The following SAMD8 variants were observed in gnomAD, a reference collection of about 807,000 sequenced individuals.
The protein encoded by SAMD8 is sphingomyelin synthase-related protein 1.
In SAMD8, 20 loss-of-function variants were observed where a neutral mutation model predicts 42.0. That is an observed-to-expected ratio of 0.48 (90% confidence interval 0.34 to 0.69). The LOEUF is 0.69. Ranked by LOEUF, SAMD8 falls within the 30% of genes least tolerant of loss-of-function variation. The probability of loss-of-function intolerance (pLI) is 0.01; values close to 1 mark genes in which losing one functional copy is unlikely to be tolerated. For missense variants in SAMD8, 328 were observed against 511.6 expected, an observed-to-expected ratio of 0.64 and a Z score of 3.46; for synonymous variants, 162 against 173.0, an observed-to-expected ratio of 0.94 and a Z score of 0.50.
chr10:75,122,528 A>G (rs1048395627), intron 1 of SAMD8, among the ~76,000 whole-genome samples: 2 of 151,564 alleles, frequency 1.3e-5, no homozygotes, highest in African/African-American at 4.9e-5. Context: ...CATGAGAATC[A>G]CTTGAACCCT....
intron 2 of SAMD8, among the ~76,000 whole-genome samples, chr10:75,157,064 T>C (rs1008823504): frequency 1.5e-4 from 23 of 152,076 alleles, no homozygotes; most frequent in Admixed American, 7.2e-4. Flanking sequence ...AGAGTATGTG[T>C]GTATATGTGT....
At chr10:75,164,551 T>G in intron 2 of SAMD8, 94 bp from the exon 3 acceptor site, 17 of 1,518,414 alleles carry the variant, frequency 1.1e-5, no homozygotes, top group Non-Finnish European at 1.5e-5. Context: ...TAAAACCAAT[T>G]TTAAGGTCAT....
At chr10:75,158,584 T>C (rs949579926) in intron 2 of SAMD8, among the ~76,000 whole-genome samples, 1 of 151,710 alleles carries the variant, frequency 6.6e-6, no homozygotes, top group African/African-American at 2.4e-5. Flanking sequence ...AGAGCGAGAC[T>C]CTCTCAAAAA....
intron 1 of SAMD8, among the ~76,000 whole-genome samples, chr10:75,123,150 TCCCACCCCACCTCAC>T (rs1849043239): frequency 1.4e-5 from 2 of 144,252 alleles, no homozygotes; most frequent in Non-Finnish European, 3.0e-5. Flanking sequence ...CATGCTTGCT[TCCCACCCCACCTCAC>T]CCCACCCCAC....
At chr10:75,105,944 C>T (rs1848475459) in intron 1 of SAMD8, 1 of 1,372,316 alleles carries the variant, frequency 7.3e-7, no homozygotes, top group East Asian at 2.5e-5. Flanking sequence ...GACCCAAGTT[C>T]CTTTCCTGAC....
chr10:75,100,905 G>A (rs1213127138), intron 1 of SAMD8, among the ~76,000 whole-genome samples: 1 of 152,268 alleles, frequency 6.6e-6, no homozygotes, highest in Non-Finnish European at 1.5e-5. Context: ...ATCGGGCAGA[G>A]GCACAGGCTT....
intron 2 of SAMD8, among the ~76,000 whole-genome samples, chr10:75,164,265 T>C (rs1229523581): frequency 6.6e-6 from 1 of 152,160 alleles, no homozygotes; most frequent in Non-Finnish European, 1.5e-5. Context: ...CAAACCCTGA[T>C]TGTTTGCACT....
Position 75,176,094 on chromosome 10 carries a change from A to T in SAMD8, c.821A>T (p.His274Leu). 6.2e-7 allele frequency: 1 copy of T among 1,614,230 alleles called. No individual in the cohort carries two copies. ...KIYGSVWEKLHRAFAIWSGFG... is the reference protein window; with the variant it reads ...KIYGSVWEKLLRAFAIWSGFG... Reference sequence around the variant, plus strand: ...TATGGCAGTGTATGGGAGAAATTACATCGAGCCTTTGCCATTTGGAGTGGC... The same window carrying T: ...TATGGCAGTGTATGGGAGAAATTACTTCGAGCCTTTGCCATTTGGAGTGGC... The change falls in exon 5 of 6, where the codon CAT (histidine) becomes CTT (leucine). Residue 274 changes from histidine (H) to leucine (L), a missense_variant. Around this residue, in one of 2 missense-constraint regions of SAMD8, gnomAD observed 178 missense variants for 325.6 expected, o/e 0.55. Coordinates refer to ENST00000542569, the MANE Select transcript of SAMD8 (RefSeq NM_001174156.2). The surrounding 1 kb of genome is among the most constrained non-coding windows in gnomAD (Gnocchi z 4.3).
chr10:75,137,338 G>A (rs1405044303), intron 1 of SAMD8, among the ~76,000 whole-genome samples: 1 of 152,088 alleles, frequency 6.6e-6, no homozygotes, highest in African/African-American at 2.4e-5. Context: ...TCAGGAGTTC[G>A]AGACCAGCCT....
chr10:75,108,160 CG>C (rs1168518690), upstream of SAMD8: 1 of 1,612,488 alleles, frequency 6.2e-7, no homozygotes. Flanking sequence ...GCGTTCAGCA[CG>C]TGGGTGATGC....
rs1403278439 is a variant in SAMD8 at position 75,180,914 on chromosome 10, T to C, written c.*4222T>C. 1 of 152,226 alleles carries C rather than the reference T, an allele frequency of 6.6e-6. No individual in the cohort carries two copies. The highest frequency in any genetic ancestry group is 1.5e-5 in the Non-Finnish European group (1 of 68,042). 9.4% of individuals were successfully genotyped at this position (152,226 alleles called of 1,614,324 possible). On this transcript the variant is annotated 3_prime_UTR_variant, in exon 6 of 6. Transcript: ENST00000542569. ...ATTCAACAAAAGGCAGTTTCACCAT[T>C]AATTTCATAGTAAGCTTTTTTAAAG...
At position 75,115,866 on chromosome 10, in the gene SAMD8, G is replaced by A. The variant is rs188495135; in HGVS notation, c.-16+4144G>A. On this transcript the variant is annotated intron_variant, in intron 1 of 5. Transcript: ENST00000542569. Reference sequence around the variant, plus strand: ...TGAGGCAGGAGAATGGCATGAACCCGAGAGGCGGAGCTTGCAGTGAGCGGA... The same window carrying A: ...TGAGGCAGGAGAATGGCATGAACCCAAGAGGCGGAGCTTGCAGTGAGCGGA... Among the ~76,000 whole-genome samples, 1,088 of 150,588 alleles carry A rather than the reference G, an allele frequency of 7.2e-3. 7 individuals carry two copies. Among genetic ancestry groups the A allele is most frequent in the Middle Eastern group, 0.024 (7 of 292 alleles).
chr10:75,105,338 C>T (rs956467457), intron 1 of SAMD8, among the ~76,000 whole-genome samples: 1 of 152,142 alleles, frequency 6.6e-6, no homozygotes, highest in Non-Finnish European at 1.5e-5. Flanking sequence ...GAAAGTCTCC[C>T]CTCTTCCATT....
intron 1 of SAMD8, among the ~76,000 whole-genome samples, chr10:75,115,969 C>T (rs1848873701): frequency 6.7e-6 from 1 of 149,568 alleles, no homozygotes; most frequent in African/African-American, 2.5e-5. Context: ...AGACTATTAA[C>T]TAAGAAAAAC....
At chr10:75,145,742 T>C (rs1467169421) in intron 1 of SAMD8, among the ~76,000 whole-genome samples, 2 of 152,188 alleles carry the variant, frequency 1.3e-5, no homozygotes, top group Non-Finnish European at 1.5e-5. Context: ...CAAAAATGTC[T>C]TCAGACATTG....
chr10:75,126,135 C>A (rs1483162382), intron 1 of SAMD8, among the ~76,000 whole-genome samples: 1 of 151,822 alleles, frequency 6.6e-6, no homozygotes, highest in African/African-American at 2.4e-5. Flanking sequence ...TAAATTTTTG[C>A]TATTGTACTT....
chr10:75,159,425 A>G (rs767620676), intron 2 of SAMD8, among the ~76,000 whole-genome samples: 4 of 152,142 alleles, frequency 2.6e-5, no homozygotes, highest in Non-Finnish European at 4.4e-5. Context: ...TTTACTTACT[A>G]TGCCACTCAC....
At chr10:75,160,518 T>C (rs1288777692) in intron 2 of SAMD8, among the ~76,000 whole-genome samples, 2 of 152,092 alleles carry the variant, frequency 1.3e-5, no homozygotes, top group African/African-American at 4.8e-5. Context: ...GAAAATTAAA[T>C]TATATCCAGA....
In SAMD8 at chr10:75,176,241, T is replaced by A; in HGVS notation, c.943+25T>A. On this transcript the variant is annotated intron_variant, in intron 5 of 5. Transcript: ENST00000542569. This position sits in a 1 kb window ranked among gnomAD's most constrained non-coding sequence, Gnocchi z 4.3. ...TGTAAGTATCTTTTTAGTGCTTCTA[T>A]GCGTATTAGGTAACTAGCTGCAGTG... 1 of 1,614,228 alleles carries A rather than the reference T, an allele frequency of 6.2e-7. No homozygotes were observed. Among genetic ancestry groups the A allele is most frequent in the Non-Finnish European group, 8.5e-7 (1 of 1,180,022 alleles).
Sources: gnomAD v4.1 joint callset for allele counts (sites outside exome capture counted in the v4.1 genomes callset) on GRCh38, gnomAD v4.1.1 for gene constraint, gnomAD v4.1.1 regional missense constraint, Gnocchi (gnomAD v3.1) non-coding constraint, MANE v1.5 for transcripts, NCBI Gene and HGNC (gene_info 2026-07-23, HGNC 2026-07-21) for gene names.